AUTS2: variants seen among roughly 807,000 people sequenced by gnomAD.
AUTS2 encodes the protein autism susceptibility gene 2 protein.
Under a neutral mutation model 112.4 loss-of-function variants are expected in AUTS2, and 17 were observed. That is an observed-to-expected ratio of 0.15 (90% CI 0.10 to 0.23). The LOEUF (loss-of-function observed/expected upper bound fraction) is 0.23. Among genes scored for constraint, AUTS2 ranks in the 10% least tolerant of loss-of-function variants. AUTS2 has a pLI of 1.00. For missense variants in AUTS2, 1,510 were observed against 1,701.6 expected, an observed-to-expected ratio of 0.89 and a Z score of 1.98; for synonymous variants, 751 against 702.7, an observed-to-expected ratio of 1.07 and a Z score of -1.09.
At chr7:70,493,792 A>C (rs1368152701) in intron 5 of AUTS2, among the ~76,000 whole-genome samples, 1 of 152,160 alleles carries the variant, frequency 6.6e-6, no homozygotes, top group African/African-American at 2.4e-5. Flanking sequence ...AGGTCTACTA[A>C]TTCCTTTCAA....
At chr7:70,481,960 A>T (rs1797805184) in intron 5 of AUTS2, among the ~76,000 whole-genome samples, 1 of 152,208 alleles carries the variant, frequency 6.6e-6, no homozygotes, top group Non-Finnish European at 1.5e-5. Context: ...GAAATTAAAT[A>T]AAATTTACAG....
At chr7:70,327,979 G>C (rs772491632) in intron 4 of AUTS2, among the ~76,000 whole-genome samples, 1 of 152,104 alleles carries the variant, frequency 6.6e-6, no homozygotes. Flanking sequence ...TTATCCCCCA[G>C]TTGGATCCAT....
chr7:70,677,773 AT>A (rs1307700263), intron 5 of AUTS2, among the ~76,000 whole-genome samples: 1 of 151,976 alleles, frequency 6.6e-6, no homozygotes, highest in African/African-American at 2.4e-5. Flanking sequence ...GTTCTACCTT[AT>A]AAAATTTTTA....
chr7:69,955,923 A>G (rs1370762134), intron 2 of AUTS2, among the ~76,000 whole-genome samples: 1 of 152,120 alleles, frequency 6.6e-6, no homozygotes, highest in African/African-American at 2.4e-5. Context: ...AATAATACCT[A>G]TATGTGACGT....
At chr7:70,092,056 T>G (rs1168926819) in intron 2 of AUTS2, among the ~76,000 whole-genome samples, 1 of 113,182 alleles carries the variant, frequency 8.8e-6, no homozygotes, top group Non-Finnish European at 1.9e-5. Context: ...AGTGTGCCAG[T>G]TACAGGTCTG....
At chr7:70,354,014 C>T (rs1333672879) in intron 4 of AUTS2, among the ~76,000 whole-genome samples, 1 of 152,220 alleles carries the variant, frequency 6.6e-6, no homozygotes, top group East Asian at 1.9e-4. Context: ...TCAAAATGAT[C>T]TGTGCAATTA....
At chr7:70,259,584 C>T (rs1387807180) in intron 4 of AUTS2, among the ~76,000 whole-genome samples, 1 of 152,188 alleles carries the variant, frequency 6.6e-6, no homozygotes, top group East Asian at 1.9e-4. Flanking sequence ...GCCAGGGCCA[C>T]GGTGCTTATG....
At chr7:70,073,080 C>T (rs1802861450) in intron 2 of AUTS2, among the ~76,000 whole-genome samples, 1 of 141,292 alleles carries the variant, frequency 7.1e-6, no homozygotes, top group South Asian at 2.5e-4. Context: ...CCCTCTCCTC[C>T]CCTCCTTTCT....
chr7:69,832,957 T>C (rs1373626952), intron 1 of AUTS2, among the ~76,000 whole-genome samples: 13 of 152,162 alleles, frequency 8.5e-5, no homozygotes, highest in Non-Finnish European at 1.5e-4. Context: ...TGCTTGAGAG[T>C]GTCTGAGCTT....
intron 6 of AUTS2, among the ~76,000 whole-genome samples, chr7:70,742,067 C>T (rs761958317): frequency 6.6e-6 from 1 of 152,202 alleles, no homozygotes. Context: ...AAGCAAGTGT[C>T]GCAGCAGCTC....
At chr7:70,102,115 C>CTTTT (rs537710268) in intron 2 of AUTS2, among the ~76,000 whole-genome samples, 8 of 127,154 alleles carry the variant, frequency 6.3e-5, no homozygotes, top group East Asian at 2.2e-4. Flanking sequence ...GCAGTGTTTA[C>CTTTT]TTTTTTTTTT....
intron 5 of AUTS2, among the ~76,000 whole-genome samples, chr7:70,457,261 C>T (rs1405081399): frequency 6.6e-6 from 1 of 152,180 alleles, no homozygotes; most frequent in South Asian, 2.1e-4. Context: ...AAACGGGGCT[C>T]ACTTTACCCA....
intron 1 of AUTS2, among the ~76,000 whole-genome samples, chr7:69,882,724 A>G (rs1447330408): frequency 6.6e-6 from 1 of 152,186 alleles, no homozygotes. Flanking sequence ...AGAAAACTGA[A>G]GCTTCACAGG....
chr7:69,752,292 G>T (rs935227477), intron 1 of AUTS2, among the ~76,000 whole-genome samples: 1 of 152,232 alleles, frequency 6.6e-6, no homozygotes, highest in African/African-American at 2.4e-5. Flanking sequence ...CACAGCTTTG[G>T]CTTGCCCAGG....
At chr7:69,739,153 A>G (rs1215717581) in intron 1 of AUTS2, among the ~76,000 whole-genome samples, 2 of 152,070 alleles carry the variant, frequency 1.3e-5, no homozygotes, top group Non-Finnish European at 2.9e-5. Flanking sequence ...CACCACCTTC[A>G]CTTCCCTCCC....
chr7:70,772,659 C>A (rs2129558458), intron 11 of AUTS2, among the ~76,000 whole-genome samples: 1 of 152,326 alleles, frequency 6.6e-6, no homozygotes, highest in East Asian at 1.9e-4. Context: ...GAGGTGGGGT[C>A]CCCTCCCCCT....
At chr7:70,169,710 G>C (rs1808571216) in intron 4 of AUTS2, among the ~76,000 whole-genome samples, 4 of 152,142 alleles carry the variant, frequency 2.6e-5, no homozygotes, top group Admixed American at 2.6e-4. Context: ...TATTCAGTGA[G>C]AACCAGAAGT....
chr7:70,300,400 T>C (rs1290277714), intron 4 of AUTS2, among the ~76,000 whole-genome samples: 1 of 152,212 alleles, frequency 6.6e-6, no homozygotes, highest in Non-Finnish European at 1.5e-5. Flanking sequence ...CTTTTCAGTC[T>C]TAATAAAGTA....
intron 2 of AUTS2, among the ~76,000 whole-genome samples, chr7:69,906,593 C>A (rs548395416): frequency 1.3e-5 from 2 of 152,192 alleles, no homozygotes; most frequent in East Asian, 1.9e-4. Context: ...TACTGCCTTT[C>A]GAGGAGCTGT....
Sources: allele counts gnomAD v4.1 joint callset (sites outside exome capture counted in the v4.1 genomes callset), GRCh38; gene constraint gnomAD v4.1.1; transcripts MANE v1.5; gene names NCBI Gene and HGNC (gene_info 2026-07-23, HGNC 2026-07-21).